ZNF519: variants seen among roughly 807,000 people sequenced by gnomAD.
The protein encoded by ZNF519 is similar to Zinc finger protein 85 (Zinc finger protein HPF4) (HTF1).
A neutral mutation model predicts 7.4 loss-of-function variants in ZNF519; 7 were observed. The observed-to-expected ratio is 0.94, with a 90% confidence interval of 0.54 to 1.77. ZNF519 has a LOEUF of 1.77. Among genes scored for constraint, ZNF519 ranks in the 40% most tolerant of loss-of-function variants. The pLI is 0.00. For missense variants in ZNF519, 586 were observed against 623.1 expected (o/e 0.94, Z 0.63); for synonymous variants, 179 against 203.3 (o/e 0.88, Z 1.02).
intron 2 of ZNF519, among the ~76,000 whole-genome samples, chr18:14,111,010 A>G (rs2046217726): frequency 6.6e-6 from 1 of 152,084 alleles, no homozygotes; most frequent in Non-Finnish European, 1.5e-5. Flanking sequence ...TGTGTCACGA[A>G]AAACCACCTG....
rs575614898 is a variant in ZNF519, at chr18:14,100,910, A to G, written c.*4007T>C. On this transcript the variant is annotated 3_prime_UTR_variant, in exon 3 of 3. Coordinates refer to ENST00000590202, the MANE Select transcript of ZNF519 (RefSeq NM_145287.4). ...TTCTAGAGTTTTAAATAGTTTTATA[A>G]TATGAATAACCAATCTATTCCCTCA... The G allele has an allele frequency of 7.7e-4, 118 of 152,340 alleles. No homozygotes were observed. Among genetic ancestry groups the G allele is most frequent in the African/African-American group, 2.7e-3 (113 of 41,574 alleles). 9.4% of individuals were successfully genotyped at this position (152,340 alleles called of 1,614,324 possible). A position where few individuals can be genotyped will look rare whatever the true frequency, so the allele number is the denominator to read the frequency against.
chr18:14,113,118 T>C (rs1204080692), intron 2 of ZNF519, among the ~76,000 whole-genome samples: 1 of 152,234 alleles, frequency 6.6e-6, no homozygotes, highest in Non-Finnish European at 1.5e-5. Context: ...TCCATTCATC[T>C]GTTTTTGATA....
chr18:14,129,747 C>G (rs569045852), intron 1 of ZNF519, among the ~76,000 whole-genome samples: 1 of 152,188 alleles, frequency 6.6e-6, no homozygotes, highest in Non-Finnish European at 1.5e-5. Flanking sequence ...ACTGTCCTCA[C>G]TGCCGATGCC....
At chr18:14,108,234 G>A (rs1429005352) in intron 2 of ZNF519, among the ~76,000 whole-genome samples, 11 of 152,114 alleles carry the variant, frequency 7.2e-5, no homozygotes, top group Non-Finnish European at 1.5e-4. Flanking sequence ...GGTGAAACTC[G>A]ACCTTCGAGG....
chr18:14,071,635 C>A (rs574341098), downstream of ZNF519: 1 of 152,238 alleles, frequency 6.6e-6, no homozygotes, highest in Non-Finnish European at 1.5e-5. Flanking sequence ...AAGCAAAATG[C>A]AGCAATGCTG....
At position 14,105,408 on chromosome 18, in the gene ZNF519, A is replaced by G. The variant is rs764695426; in HGVS notation, c.1132T>C (p.Cys378Arg). ...RIHTGEKPFR[C>R]KECGKAFNRS... ...TTAAAGGCTTTGCCACATTCCTTAC[A>G]TCTGAAAGGTTTCTCTCCGGTATGG... The change falls in exon 3 of 3, where the codon TGT becomes CGT. Residue 378 changes from cysteine (C) to arginine (R), a missense_variant. Cys to Arg is a radical substitution (Grantham distance 180, BLOSUM62 -3). Transcript: ENST00000590202. The G allele has an allele frequency of 3.1e-6, 5 of 1,613,914 alleles. No homozygotes were observed. The highest frequency in any genetic ancestry group is 4.2e-6 in the Non-Finnish European group (5 of 1,179,996).
At chr18:14,126,304 C>T (rs1483165513) in intron 1 of ZNF519, among the ~76,000 whole-genome samples, 2 of 152,184 alleles carry the variant, frequency 1.3e-5, no homozygotes, top group East Asian at 1.9e-4. Flanking sequence ...CCTATTTTAG[C>T]CACTTCCCTA....
chr18:14,121,642 T>A (rs1273245962), intron 2 of ZNF519, among the ~76,000 whole-genome samples: 1 of 152,122 alleles, frequency 6.6e-6, no homozygotes, highest in Non-Finnish European at 1.5e-5. Context: ...TATGGTAAAA[T>A]TCATTTTCTT....
chr18:14,090,148 A>G (rs1180672599), intron 2 of ZNF519: 1 of 152,192 alleles, frequency 6.6e-6, no homozygotes, highest in Non-Finnish European at 1.5e-5. Context: ...GACCTGTTCA[A>G]TCTGTTAGAA....
chr18:14,124,565 C>G, intron 1 of ZNF519, 89 bp from the exon 2 acceptor site: 1 of 1,433,470 alleles, frequency 7.0e-7, no homozygotes. Context: ...ATGTGGCTGA[C>G]TAGGATTATC....
In ZNF519 at chr18:14,106,021, A is replaced by C; in HGVS notation, c.519T>G (p.Ser173Arg). The C allele has an allele frequency of 1.3e-6, 2 of 1,579,426 alleles. No individual in the cohort carries two copies. Among genetic ancestry groups the C allele is most frequent in the Non-Finnish European group, 1.7e-6 (2 of 1,158,708 alleles). Residue 173 changes from serine to arginine, a missense_variant, in exon 3 of 3, where the codon AGT (serine) becomes AGG (arginine). Ser to Arg is a moderately radical substitution (Grantham distance 110). Transcript: ENST00000590202. ...TGTAATAGTTTTCTAGAAAATGAGT[A>C]CTATGATGTTTACTAATATTTGAGT... ...NHDSNISKHH[S>R]THFLENYYNC... is the part of the protein sequence containing the mutation.
chr18:14,094,328 T>G (rs559917719), intron 2 of ZNF519, among the ~76,000 whole-genome samples: 1 of 152,380 alleles, frequency 6.6e-6, no homozygotes, highest in South Asian at 2.1e-4. Context: ...TTATATTGCA[T>G]AAAAGTGGTA....
chr18:14,085,261 T>C (rs576751065), intron 2 of ZNF519, among the ~76,000 whole-genome samples: 329 of 152,300 alleles, frequency 2.2e-3, no homozygotes, highest in Non-Finnish European at 3.8e-3. Flanking sequence ...AATATCCTTA[T>C]TCTGCAATGA....
chr18:14,092,008 G>A (rs1165294401), intron 2 of ZNF519, among the ~76,000 whole-genome samples: 1 of 152,120 alleles, frequency 6.6e-6, no homozygotes, highest in African/African-American at 2.4e-5. Context: ...ACCATGATAA[G>A]AATTTCATTT....
chr18:14,080,444 C>T (rs1031522836), intron 3 of ZNF519, among the ~76,000 whole-genome samples: 3 of 151,606 alleles, frequency 2.0e-5, no homozygotes, highest in Non-Finnish European at 4.4e-5. Flanking sequence ...GCCTCAGCCT[C>T]CTGAGTAGCT....
intron 2 of ZNF519, among the ~76,000 whole-genome samples, chr18:14,094,099 G>T (rs2046124630): frequency 6.6e-6 from 1 of 152,124 alleles, no homozygotes; most frequent in Non-Finnish European, 1.5e-5. Flanking sequence ...GCTACAGGAA[G>T]TCCTCAAATA....
intron 2 of ZNF519, chr18:14,090,875 CAT>C (rs1313687873): frequency 1.3e-5 from 2 of 152,210 alleles, no homozygotes; most frequent in African/African-American, 4.8e-5. Context: ...CAAATTGAAA[CAT>C]CATCAAAGTA....
chr18:14,129,576 T>C (rs2046319543), intron 1 of ZNF519, among the ~76,000 whole-genome samples: 1 of 152,142 alleles, frequency 6.6e-6, no homozygotes, highest in Admixed American at 6.5e-5. Flanking sequence ...TGGAGTCTCC[T>C]TATAGACCAG....
At position 14,100,781 on chromosome 18, in the gene ZNF519, A is replaced by G. The variant is rs1196339051; in HGVS notation, c.*4136T>C. On this transcript the variant is annotated 3_prime_UTR_variant, in exon 3 of 3. Coordinates refer to ENST00000590202, the MANE Select transcript of ZNF519 (RefSeq NM_145287.4). ...AAATTGCACAGAACACACACACATA[A>G]GAAAAAATTAATCTGGTAAAATGCA... 2.0e-5 allele frequency: 3 copies of G among 152,198 alleles called. No individual in the cohort carries two copies. The highest frequency in any genetic ancestry group is 4.4e-5 in the Non-Finnish European group (3 of 68,044). 9.4% of individuals were successfully genotyped at this position (152,198 alleles called of 1,614,324 possible). A position where few individuals can be genotyped will look rare whatever the true frequency, so the allele number is the denominator to read the frequency against.
Sources: allele counts gnomAD v4.1 joint callset (sites outside exome capture counted in the v4.1 genomes callset), GRCh38; gene constraint gnomAD v4.1.1; transcripts MANE v1.5; gene names NCBI Gene and HGNC (gene_info 2026-07-23, HGNC 2026-07-21).